Variants in EEIG2 observed in about 807,000 individuals in gnomAD.
The protein encoded by EEIG2 is family with sequence similarity 102 member B.
the EEIG2 span, among the ~76,000 whole-genome samples, chr1:108,588,581 A>G: frequency 6.6e-5 from 10 of 152,164 alleles, no homozygotes; most frequent in African/African-American, 1.4e-4. Flanking sequence ...TATGAATACA[A>G]TGTGGGATAA....
chr1:108,636,022 TATGTA>T, the EEIG2 span: 1 of 152,242 alleles, frequency 6.6e-6, no homozygotes, highest in Non-Finnish European at 1.5e-5. Context: ...AAGCCTTTTC[TATGTA>T]AATTCAGACT....
At chr1:108,594,353 C>G in the EEIG2 span, among the ~76,000 whole-genome samples, 1 of 152,118 alleles carries the variant, frequency 6.6e-6, no homozygotes, top group Non-Finnish European at 1.5e-5. Flanking sequence ...GTTACTTACT[C>G]ATGAGCAGTT....
the EEIG2 span, among the ~76,000 whole-genome samples, chr1:108,589,783 C>CTTTTTTTTT: frequency 7.0e-5 from 6 of 85,140 alleles, no homozygotes; most frequent in Non-Finnish European, 1.1e-4. Flanking sequence ...GTCTTTTGTC[C>CTTTTTTTTT]TTTTTTTTTT....
chr1:108,569,396 A>G, the EEIG2 span, among the ~76,000 whole-genome samples: 1 of 152,160 alleles, frequency 6.6e-6, no homozygotes, highest in African/African-American at 2.4e-5. Flanking sequence ...GCACGATGAT[A>G]GCTCATTGCA....
the EEIG2 span, among the ~76,000 whole-genome samples, chr1:108,607,077 C>T: frequency 2.6e-5 from 4 of 152,198 alleles, no homozygotes; most frequent in Admixed American, 2.6e-4. Context: ...AGAGATTTTT[C>T]CTATGTTACA....
At chr1:108,606,673 C>A in the EEIG2 span, among the ~76,000 whole-genome samples, 1 of 152,162 alleles carries the variant, frequency 6.6e-6, no homozygotes, top group South Asian at 2.1e-4. Flanking sequence ...AATGTGCTCA[C>A]CTTTTTGCTG....
chr1:108,609,698 A>AAT, the EEIG2 span, among the ~76,000 whole-genome samples: 1 of 152,168 alleles, frequency 6.6e-6, no homozygotes, highest in African/African-American at 2.4e-5. Flanking sequence ...GGCACAGAGG[A>AAT]ATAGGAGACC....
chr1:108,566,696 T>TAAAAA, the EEIG2 span, among the ~76,000 whole-genome samples: 1 of 144,554 alleles, frequency 6.9e-6, no homozygotes. Flanking sequence ...TTCGGCCTTT[T>TAAAAA]AAAAAAAAAA....
chr1:108,579,529 A>G, the EEIG2 span, among the ~76,000 whole-genome samples: 3 of 147,916 alleles, frequency 2.0e-5, no homozygotes, highest in East Asian at 5.9e-4. Context: ...TAGACAGATC[A>G]ACGAGACAGA....
the EEIG2 span, among the ~76,000 whole-genome samples, chr1:108,585,631 TCTC>T: frequency 1.3e-4 from 20 of 152,222 alleles, no homozygotes; most frequent in Middle Eastern, 3.4e-3. Flanking sequence ...ATCCCTTCCA[TCTC>T]CTCCCCAGAC....
chr1:108,560,644 A>G, the EEIG2 span: 3 of 1,510,208 alleles, frequency 2.0e-6, no homozygotes, highest in East Asian at 2.4e-5. Context: ...TCCTTGGCCC[A>G]TTTGCTCGCC....
chr1:108,604,880 A>AAG, the EEIG2 span, among the ~76,000 whole-genome samples: 1 of 151,048 alleles, frequency 6.6e-6, no homozygotes, highest in South Asian at 2.1e-4. Context: ...AAAAAAAAAA[A>AAG]AGAGAAAAAA....
chr1:108,594,184 G>T, the EEIG2 span, among the ~76,000 whole-genome samples: 3 of 152,108 alleles, frequency 2.0e-5, no homozygotes, highest in Non-Finnish European at 4.4e-5. Context: ...TGAGAAAGCC[G>T]CCAAGGACAG....
chr1:108,585,514 A>G, the EEIG2 span, among the ~76,000 whole-genome samples: 1 of 152,124 alleles, frequency 6.6e-6, no homozygotes, highest in East Asian at 1.9e-4. Flanking sequence ...TCAGCAGGAG[A>G]TACCACAGCA....
chr1:108,593,385 C>T, the EEIG2 span, among the ~76,000 whole-genome samples: 4 of 152,150 alleles, frequency 2.6e-5, no homozygotes, highest in Non-Finnish European at 5.9e-5. Flanking sequence ...TTCAACTGTC[C>T]CTCTCTTACT....
At chr1:108,633,854 C>T in the EEIG2 span, among the ~76,000 whole-genome samples, 1 of 152,166 alleles carries the variant, frequency 6.6e-6, no homozygotes, top group Non-Finnish European at 1.5e-5. Context: ...ATTCTAGTCC[C>T]TAGCCCCTCT....
At chr1:108,607,116 T>C in the EEIG2 span, among the ~76,000 whole-genome samples, 2 of 152,226 alleles carry the variant, frequency 1.3e-5, no homozygotes, top group South Asian at 2.1e-4. Flanking sequence ...TAGACTTGCT[T>C]CAAAACTGGT....
the EEIG2 span, among the ~76,000 whole-genome samples, chr1:108,634,262 G>A: frequency 6.6e-6 from 1 of 152,150 alleles, no homozygotes; most frequent in Non-Finnish European, 1.5e-5. Context: ...ATTCTGTTGA[G>A]GAAGTTCCTA....
At chr1:108,581,929 A>G in the EEIG2 span, among the ~76,000 whole-genome samples, 444 of 152,290 alleles carry the variant, frequency 2.9e-3, no homozygotes, top group Non-Finnish European at 4.9e-3. Context: ...CTACAGAGAA[A>G]TATTTTATGA....
Sources: gnomAD v4.1 joint callset for allele counts (sites outside exome capture counted in the v4.1 genomes callset) on GRCh38, gnomAD v4.1.1 for gene constraint, MANE v1.5 for transcripts, NCBI Gene and HGNC (gene_info 2026-07-23, HGNC 2026-07-21) for gene names.